The following ZNF595 variants were observed in gnomAD, a reference collection of about 807,000 sequenced individuals.
ZNF595 encodes zinc finger protein 595.
A neutral mutation model predicts 19.4 loss-of-function variants in ZNF595; 9 were observed. That is an observed-to-expected ratio of 0.46 (90% CI 0.28 to 0.81). The LOEUF is 0.81. Among genes scored for constraint, ZNF595 ranks in the 30% least tolerant of loss-of-function variants. The pLI, the probability that ZNF595 is intolerant of heterozygous loss-of-function variation, is 0.11. For synonymous variants in ZNF595, 255 were observed against 255.9 expected, an observed-to-expected ratio of 1.00 and a Z score of 0.03; for missense variants, 729 against 736.0, an observed-to-expected ratio of 0.99 and a Z score of 0.11.
At chr4:73,173 A>AT (rs1373425318) in intron 3 of ZNF595, among the ~76,000 whole-genome samples, 5 of 152,224 alleles carry the variant, frequency 3.3e-5, no homozygotes, top group Non-Finnish European at 7.3e-5. Flanking sequence ...AGCACCAAGC[A>AT]TAAGACCTGC....
At chr4:81,858 T>C (rs1272684812) in intron 3 of ZNF595, among the ~76,000 whole-genome samples, 1 of 152,210 alleles carries the variant, frequency 6.6e-6, no homozygotes, top group African/African-American at 2.4e-5. Context: ...CTTGTGATAT[T>C]TTTTGCTTTT....
Position 87,407 on chromosome 4 carries a change from C to G in ZNF595, c.1903C>G (p.Leu635Val). The G allele has an allele frequency of 6.2e-7, 1 of 1,610,904 alleles. No homozygotes were observed. ...CGKAFNRPSTLTVHKRIHTGK... is the reference protein window; with the variant it reads ...CGKAFNRPSTVTVHKRIHTGK... The stretch of plus-strand genomic sequence containing the variant: ...CAAAGCTTTTAATCGGCCCTCAACC[C>G]TTACTGTACACAAGCGAATTCATAC... Residue 635 changes from leucine to valine, a missense_variant, in exon 4 of 4, where the codon CTT becomes GTT. Leu to Val is a conservative substitution (Grantham distance 32). Transcript: ENST00000610261.
At chr4:66,863 CGTT>C (rs1156749690) in intron 3 of ZNF595, among the ~76,000 whole-genome samples, 4 of 151,860 alleles carry the variant, frequency 2.6e-5, no homozygotes, top group African/African-American at 7.2e-5. Context: ...AAACAGGAAA[CGTT>C]GTGCATGTAA....
intron 1 of ZNF595, among the ~76,000 whole-genome samples, chr4:54,828 G>A (rs1349131091): frequency 1.9e-4 from 28 of 150,962 alleles, no homozygotes; most frequent in South Asian, 4.2e-4. Context: ...GCCCTGCCTC[G>A]GCCTGTACCT....
chr4:86,739 C>G lies in ZNF595; in HGVS notation c.1235C>G (p.Ala412Gly). The G allele has an allele frequency of 6.2e-7, 1 of 1,604,810 alleles. No homozygotes were observed. Among genetic ancestry groups the G allele is most frequent in the Non-Finnish European group, 8.5e-7 (1 of 1,177,212 alleles). Residue 412 changes from alanine to glycine, a missense_variant, in exon 4 of 4, where the codon GCT (alanine) becomes GGT (glycine). Coordinates refer to ENST00000610261, the MANE Select transcript of ZNF595 (RefSeq NM_182524.4). ...GCTTTTTATAGGTCCTCACACCTTG[C>G]TAAACATAAGAGAATTCATACTGGA... ...GKAFYRSSHL[A>G]KHKRIHTGEK...
chr4:87,098 G>T lies in ZNF595; in HGVS notation c.1594G>T (p.Glu532Ter). 6.2e-7 allele frequency: 1 copy of T among 1,613,844 alleles called. No individual in the cohort carries two copies. Among genetic ancestry groups the T allele is most frequent in the Non-Finnish European group, 8.5e-7 (1 of 1,179,920 alleles). The change falls in exon 4 of 4, where the codon GAA becomes TAA. Residue 532 changes from glutamate to a stop codon, truncating the protein, a stop_gained. Coordinates refer to ENST00000610261, the MANE Select transcript of ZNF595 (RefSeq NM_182524.4). LOFTEE classifies it high-confidence loss of function. ...GLIIHRSIHS[E>*]QKLYKCEECG... ...TATTATACACAGGAGCATTCATTCTGAACAAAAACTTTACAAATGTGAAGA... is the reference window on the plus strand; with the variant it reads ...TATTATACACAGGAGCATTCATTCTTAACAAAAACTTTACAAATGTGAAGA...
chr4:86,860 CAAATGTGAAGAAT>C lies in ZNF595; in HGVS notation c.1357_1369del (p.Lys453ValfsTer11). On this transcript the variant is annotated frameshift_variant, in exon 4 of 4. Transcript: ENST00000610261. LOFTEE classifies it high-confidence loss of function. ...GAATCCATTCTGGGCAAAAACCTTA[CAAATGTGAAGAAT>C]GTGGCAAAGCCTTTACACGGTCCAC... 1 of 1,613,828 alleles carries C rather than the reference CAAATGTGAAGAAT, an allele frequency of 6.2e-7. No homozygotes were observed. The highest frequency in any genetic ancestry group is 8.5e-7 in the Non-Finnish European group (1 of 1,179,848).
At chr4:78,031 C>G (rs762693822) in intron 3 of ZNF595, among the ~76,000 whole-genome samples, 33 of 152,018 alleles carry the variant, frequency 2.2e-4, no homozygotes, top group Non-Finnish European at 3.7e-4. Flanking sequence ...TTTTTTGAGA[C>G]GGAGTCTTGC....
chr4:87,352 A>C lies in ZNF595; in HGVS notation c.1848A>C (p.Gly616=). 6.2e-7 allele frequency: 1 copy of C among 1,613,272 alleles called. No homozygotes were observed. The change falls in exon 4 of 4, where the codon GGA becomes GGC. Residue 616 remains glycine (G), a synonymous_variant. Transcript: ENST00000610261. ...CTAAACATAAGATAATTCATACTGG[A>C]GAGAAATCCTACAAATGTGAAGAAT... ...SLTKHKIIHT[G]EKSYKCEECG...
At chr4:67,385 G>A (rs113354256) in intron 3 of ZNF595, among the ~76,000 whole-genome samples, 498 of 143,394 alleles carry the variant, frequency 3.5e-3, no homozygotes, top group Non-Finnish European at 4.5e-3. Flanking sequence ...ACTTAACCCC[G>A]ACACAGTTTA....
chr4:78,365 C>T (rs1553799171), intron 3 of ZNF595, among the ~76,000 whole-genome samples: 2 of 152,138 alleles, frequency 1.3e-5, no homozygotes, highest in African/African-American at 4.8e-5. Context: ...TTTTATGACC[C>T]TGTGGTATTT....
chr4:85,419 A>G (rs1159913156), intron 3 of ZNF595, among the ~76,000 whole-genome samples: 1 of 152,204 alleles, frequency 6.6e-6, no homozygotes, highest in African/African-American at 2.4e-5. Context: ...TTACTCCTAT[A>G]GGCACAATGC....
intron 3 of ZNF595, among the ~76,000 whole-genome samples, chr4:82,164 G>A (rs1300614187): frequency 6.6e-6 from 1 of 152,004 alleles, no homozygotes; most frequent in East Asian, 1.9e-4. Context: ...AGATTGTGGG[G>A]TGCTTCATTG....
intron 3 of ZNF595, among the ~76,000 whole-genome samples, chr4:83,619 C>CAAAAAAAAAAAAAAAA (rs71164492): frequency 7.8e-5 from 3 of 38,596 alleles, no homozygotes; most frequent in African/African-American, 1.7e-4. Context: ...GACTCCGTCT[C>CAAAAAAAAAAAAAAAA]AAAAAAAAAA....
At position 87,743 on chromosome 4, in the gene ZNF595, C is replaced by CA. The variant is rs1291855626; in HGVS notation, c.*293dup. ...TTTTTTTTTTTTTTTTTTTTTGAGA[C>CA]AGAGTCTCGTTCTGTCGCCCAGGCT... On this transcript the variant is annotated 3_prime_UTR_variant, in exon 4 of 4. Coordinates refer to ENST00000610261, the MANE Select transcript of ZNF595 (RefSeq NM_182524.4). 1.4e-5 allele frequency: 2 copies of CA among 139,922 alleles called. No homozygotes were observed. Among genetic ancestry groups the CA allele is most frequent in the African/African-American group, 6.5e-5 (2 of 30,822 alleles). The allele number at this position is 139,922 out of a possible 1,614,324, so 8.7% of individuals were successfully genotyped here. A position where few individuals can be genotyped will look rare whatever the true frequency, so the allele number is the denominator to read the frequency against.
chr4:84,016 T>A (rs1451452335), intron 3 of ZNF595, among the ~76,000 whole-genome samples: 1 of 152,162 alleles, frequency 6.6e-6, no homozygotes, highest in Non-Finnish European at 1.5e-5. Context: ...ATACTTACTT[T>A]TTGGTATTTT....
At chr4:80,876 C>T (rs1213222238) in intron 3 of ZNF595, among the ~76,000 whole-genome samples, 1 of 152,194 alleles carries the variant, frequency 6.6e-6, no homozygotes, top group Non-Finnish European at 1.5e-5. Flanking sequence ...AGGTTTGTTA[C>T]ATAAGTATAC....
rs781846317 is a variant in ZNF595, at chr4:86,823, T to A, written c.1319T>A (p.Ile440Lys). The A allele has an allele frequency of 1.2e-6, 2 of 1,612,998 alleles. No homozygotes were observed. The highest frequency in any genetic ancestry group is 1.1e-5 in the South Asian group (1 of 91,032). ...GKAFNQSSTL[I>K]LHKRIHSGQK... ...GCTTTTAACCAATCCTCAACTCTTATATTACACAAGAGAATCCATTCTGGG... is the reference window on the plus strand; with the variant it reads ...GCTTTTAACCAATCCTCAACTCTTAAATTACACAAGAGAATCCATTCTGGG... The change falls in exon 4 of 4, where the codon ATA (isoleucine) becomes AAA (lysine). Residue 440 changes from isoleucine (I) to lysine (K), a missense_variant. Physicochemically the swap from Ile to Lys is moderately radical, Grantham distance 102. Transcript: ENST00000610261.
At position 87,851 on chromosome 4, in the gene ZNF595, G is replaced by C. The variant is rs1181919455; in HGVS notation, c.*400G>C. Reference sequence around the variant, plus strand: ...TTCTCCTGCCTCAGCCTCATGAGTAGCTGTGACTACCGGCAGGTGCCACCA... The same window carrying C: ...TTCTCCTGCCTCAGCCTCATGAGTACCTGTGACTACCGGCAGGTGCCACCA... On this transcript the variant is annotated 3_prime_UTR_variant, in exon 4 of 4. Transcript: ENST00000610261. 6.5e-6 allele frequency: 1 copy of C among 152,890 alleles called. No homozygotes were observed. The highest frequency in any genetic ancestry group is 2.4e-5 in the African/African-American group (1 of 41,082). The allele number at this position is 152,890 out of a possible 1,614,324, so 9.5% of individuals were successfully genotyped here.
Sources: allele counts gnomAD v4.1 joint callset (sites outside exome capture counted in the v4.1 genomes callset), GRCh38; gene constraint gnomAD v4.1.1; transcripts MANE v1.5; gene names NCBI Gene and HGNC (gene_info 2026-07-23, HGNC 2026-07-21).